TRIO: variants seen among roughly 807,000 people sequenced by gnomAD.
TRIO encodes the protein trio Rho guanine nucleotide exchange factor.
TRIO carries 58 observed loss-of-function variants against 351.9 expected under a neutral mutation model. That is an observed-to-expected ratio of 0.16 (90% CI 0.13 to 0.21). The LOEUF is 0.21. TRIO is among the 10% of genes least tolerant of loss of function. The pLI, the probability that TRIO is intolerant of heterozygous loss-of-function variation, is 1.00. For missense variants in TRIO, 3,201 were observed against 4,027.8 expected, an observed-to-expected ratio of 0.79 and a Z score of 5.56; for synonymous variants, 1,758 against 1,595.7, an observed-to-expected ratio of 1.10 and a Z score of -2.42.
At chr5:14,293,279 C>G in intron 6 of TRIO, 145 bp downstream of exon 6, 2 of 1,132,846 alleles carry the variant, frequency 1.8e-6, no homozygotes, top group Non-Finnish European at 2.5e-6. Flanking sequence ...GGAGGGTGTT[C>G]CCTAGGGTTC....
intron 1 of TRIO, among the ~76,000 whole-genome samples, chr5:14,202,120 A>T (rs866068198): frequency 7.0e-5 from 10 of 143,004 alleles, no homozygotes; most frequent in Non-Finnish European, 1.2e-4. Context: ...GGTATAATTT[A>T]AAAAAAAAAA....
At chr5:14,264,010 A>C (rs1244241631) in intron 1 of TRIO, among the ~76,000 whole-genome samples, 1 of 152,206 alleles carries the variant, frequency 6.6e-6, no homozygotes, top group Non-Finnish European at 1.5e-5. Flanking sequence ...TAAGAAATAG[A>C]GTCCCTTTAT....
intron 19 of TRIO, among the ~76,000 whole-genome samples, chr5:14,377,590 C>G (rs1263439590): frequency 6.6e-6 from 1 of 152,078 alleles, no homozygotes; most frequent in Non-Finnish European, 1.5e-5. Context: ...TTGATTATTA[C>G]TCCACTATTT....
Position 14,491,887 on chromosome 5 carries a change from G to T in TRIO, c.7633-680G>T, listed in dbSNP as rs1043285231. 4.6e-5 allele frequency among the ~76,000 whole-genome samples: 7 copies of T among 152,208 alleles called. No individual in the cohort carries two copies. In the East Asian group the frequency reaches 1.2e-3, roughly 25 times the overall value. ...GTTCCCATGGCAGCAGAGCCTTGGGGACACTTGAGTCATGCAAGTTCATAA... is the reference window on the plus strand; with the variant it reads ...GTTCCCATGGCAGCAGAGCCTTGGGTACACTTGAGTCATGCAAGTTCATAA... On this transcript the variant is annotated intron_variant, in intron 48 of 56. Coordinates refer to ENST00000344204, the MANE Select transcript of TRIO (RefSeq NM_007118.4).
chr5:14,491,175 G>T (rs150068589), intron 48 of TRIO, among the ~76,000 whole-genome samples: 434 of 152,324 alleles, frequency 2.8e-3, no homozygotes, highest in African/African-American at 9.8e-3. Flanking sequence ...TGACCTCATG[G>T]AGGAGGGCCA....
At chr5:14,322,522 A>G (rs935079286) in intron 9 of TRIO, among the ~76,000 whole-genome samples, 2 of 152,220 alleles carry the variant, frequency 1.3e-5, no homozygotes, top group Non-Finnish European at 2.9e-5. Context: ...TCCCAGGTCT[A>G]TAGAGAAGTA....
At chr5:14,377,011 C>T (rs1438413847) in intron 19 of TRIO, among the ~76,000 whole-genome samples, 2 of 152,194 alleles carry the variant, frequency 1.3e-5, no homozygotes, top group Admixed American at 6.5e-5. Flanking sequence ...AGGCTTTACT[C>T]ATTCTTCTAA....
Position 14,240,086 on chromosome 5 carries a change from A to G in TRIO, c.158-30739A>G, listed in dbSNP as rs17301011. 7.9e-3 allele frequency among the ~76,000 whole-genome samples: 1,205 copies of G among 152,282 alleles called. 9 individuals carry two copies. The highest frequency in any genetic ancestry group is 9.1e-3 in the Non-Finnish European group (618 of 68,006). ...CTGACTTTCCTTCCTTTGCAACCTC[A>G]GTTTCTGATTTTATGTCTAGTCTGT... is the stretch of plus-strand genomic sequence containing the variant. On this transcript the variant is annotated intron_variant, in intron 1 of 56. Transcript: ENST00000344204.
Position 14,175,328 on chromosome 5 carries a change from A to G in TRIO, c.157+31446A>G, listed in dbSNP as rs114068258. On this transcript the variant is annotated intron_variant, in intron 1 of 56. Coordinates refer to ENST00000344204, the MANE Select transcript of TRIO (RefSeq NM_007118.4). ...ATGTGCAGGATTCAAATGCTTTCTA[A>G]AAGGCGTTTTCTAATTCCTTTCCAG... is the stretch of plus-strand genomic sequence containing the variant. 4.0e-3 allele frequency among the ~76,000 whole-genome samples: 612 copies of G among 152,300 alleles called. 4 individuals are homozygous for G. Among genetic ancestry groups the G allele is most frequent in the African/African-American group, 0.014 (582 of 41,566 alleles).
In TRIO at chr5:14,461,380, G is replaced by A. The variant is rs529088348; in HGVS notation, c.5496+69G>A. On this transcript the variant is annotated intron_variant, in intron 35 of 56. Coordinates refer to ENST00000344204, the MANE Select transcript of TRIO (RefSeq NM_007118.4). Reference sequence around the variant, plus strand: ...CTGGGCTTTTGCTGCAAGAATAGTTGCTGATCTTATGAGTAAACTGGTTTG... The same window carrying A: ...CTGGGCTTTTGCTGCAAGAATAGTTACTGATCTTATGAGTAAACTGGTTTG... 2.4e-3 allele frequency: 3,507 copies of A among 1,435,528 alleles called. 8 individuals are homozygous for A. The highest frequency in any genetic ancestry group is 2.9e-3 in the Non-Finnish European group (3,192 of 1,096,618). 88.9% of individuals were successfully genotyped at this position (1,435,528 alleles called of 1,614,324 possible). A position where few individuals can be genotyped will look rare whatever the true frequency, so the allele number is the denominator to read the frequency against.
At chr5:14,238,447 C>T (rs935178340) in intron 1 of TRIO, among the ~76,000 whole-genome samples, 8 of 152,188 alleles carry the variant, frequency 5.3e-5, no homozygotes, top group Non-Finnish European at 7.3e-5. Flanking sequence ...CCAGAGCATT[C>T]GCAGCCTCCA....
chr5:14,336,781 CT>C (rs1198112645), intron 11 of TRIO, 54 bp downstream of exon 11: 4 of 1,583,726 alleles, frequency 2.5e-6, no homozygotes, highest in South Asian at 1.1e-5. Context: ...TCTTTGAACT[CT>C]TTTGGAGGAA....
intron 1 of TRIO, among the ~76,000 whole-genome samples, chr5:14,238,677 A>G (rs1793935820): frequency 6.6e-6 from 1 of 152,380 alleles, no homozygotes; most frequent in Non-Finnish European, 1.5e-5. Context: ...AATAATTCAT[A>G]AAGTGCTACT....
At chr5:14,431,273 CA>C (rs1414358555) in intron 34 of TRIO, among the ~76,000 whole-genome samples, 9 of 152,218 alleles carry the variant, frequency 5.9e-5, no homozygotes, top group Non-Finnish European at 1.3e-4. Flanking sequence ...GTCTGACCAG[CA>C]GTGGCTGGAA....
At chr5:14,357,197 C>G (rs1420608773) in intron 11 of TRIO, among the ~76,000 whole-genome samples, 1 of 152,204 alleles carries the variant, frequency 6.6e-6, no homozygotes. Flanking sequence ...AGTCTTGAGG[C>G]AGCAGGCGTT....
At chr5:14,410,476 G>T (rs578111035) in intron 33 of TRIO, among the ~76,000 whole-genome samples, 10 of 152,124 alleles carry the variant, frequency 6.6e-5, no homozygotes, top group Non-Finnish European at 1.5e-4. Flanking sequence ...CTCCGGTGAC[G>T]GTAATTTTCC....
intron 23 of TRIO, 95 bp from the exon 24 acceptor site, chr5:14,388,518 T>G (rs1325859111): frequency 1.5e-5 from 19 of 1,240,898 alleles, no homozygotes; most frequent in Non-Finnish European, 2.2e-5. Context: ...GACTAATACT[T>G]TTAGACCCAC....
Position 14,143,896 on chromosome 5 carries a change from C to A in TRIO, c.157+14C>A. 1 of 1,072,312 alleles carries A rather than the reference C, an allele frequency of 9.3e-7. No homozygotes were observed. The highest frequency in any genetic ancestry group is 1.1e-6 in the Non-Finnish European group (1 of 886,554). The allele number at this position is 1,072,312 out of a possible 1,614,324, so 66.4% of individuals were successfully genotyped here. A position where few individuals can be genotyped will look rare whatever the true frequency, so the allele number is the denominator to read the frequency against. ...TCTTCCGATCCGGTGAGTGCAACTG[C>A]GGCCGGCCCGCCCAGCGGCGCTGCC... On this transcript the variant is annotated intron_variant, in intron 1 of 56. Transcript: ENST00000344204.
intron 1 of TRIO, among the ~76,000 whole-genome samples, chr5:14,241,926 T>C (rs543879690): frequency 8.5e-5 from 13 of 152,288 alleles, no homozygotes; most frequent in African/African-American, 3.1e-4. Flanking sequence ...ATTTTTGAAG[T>C]TAAAAGTAAA....
Sources: allele counts gnomAD v4.1 joint callset (sites outside exome capture counted in the v4.1 genomes callset), GRCh38; gene constraint gnomAD v4.1.1; transcripts MANE v1.5; gene names NCBI Gene and HGNC (gene_info 2026-07-23, HGNC 2026-07-21).